Variants in ASPH observed in about 807,000 individuals in gnomAD.
ASPH encodes aspartate beta-hydroxylase.
Under a neutral mutation model 118.4 loss-of-function variants are expected in ASPH, and 100 were observed. That is an observed-to-expected ratio of 0.84 (90% CI 0.72 to 1.00). ASPH has a LOEUF of 1.00. Among genes scored for constraint, ASPH ranks in the 50% least tolerant of loss-of-function variants. The pLI, the probability that ASPH is intolerant of heterozygous loss-of-function variation, is 0.00. For missense variants in ASPH, 920 were observed against 919.5 expected (o/e 1.00, Z -0.01); for synonymous variants, 315 against 325.6 (o/e 0.97, Z 0.35).
At chr8:61,700,995 A>C (rs982503854) in intron 1 of ASPH, among the ~76,000 whole-genome samples, 1 of 152,246 alleles carries the variant, frequency 6.6e-6, no homozygotes, top group Non-Finnish European at 1.5e-5. Flanking sequence ...AAGTGTATAC[A>C]ACATGTAACC....
rs1808301696 is a variant in ASPH at position 61,646,885 on chromosome 8, C to T, written c.491-7G>A. ...TGCAAGTCTTCTCCCTCAACTATGA[C>T]AATGAACAAAGTGACACTGGCAACA... On this transcript the variant is annotated splice_polypyrimidine_tract_variant and splice_region_variant and intron_variant, in intron 5 of 24. Coordinates refer to ENST00000379454, the MANE Select transcript of ASPH (RefSeq NM_004318.4). 6.2e-7 allele frequency: 1 copy of T among 1,613,660 alleles called. No individual in the cohort carries two copies. Among genetic ancestry groups the T allele is most frequent in the South Asian group, 1.1e-5 (1 of 91,050 alleles).
intron 22 of ASPH, among the ~76,000 whole-genome samples, chr8:61,523,664 T>TATTTTCTAGTA (rs199783413): frequency 0.01 from 1,592 of 152,268 alleles, 15 homozygotes; most frequent in Non-Finnish European, 0.016. Flanking sequence ...AAATAGTTAC[T>TATTTTCTAGTA]GGATTCCCCC....
At chr8:61,565,626 TG>T (rs1831425879) in intron 17 of ASPH, among the ~76,000 whole-genome samples, 1 of 12,690 alleles carries the variant, frequency 7.9e-5, no homozygotes, top group Non-Finnish European at 2.1e-4. Context: ...CTAAGATCAT[TG>T]ATGAAGTGAT....
At chr8:61,681,382 A>G (rs1392942602) in intron 2 of ASPH, among the ~76,000 whole-genome samples, 3 of 151,828 alleles carry the variant, frequency 2.0e-5, no homozygotes, top group Admixed American at 6.6e-5. Context: ...ATATGAAATA[A>G]TATTGATGCA....
At chr8:61,545,282 G>A (rs1156527788) in intron 21 of ASPH, among the ~76,000 whole-genome samples, 1 of 152,204 alleles carries the variant, frequency 6.6e-6, no homozygotes. Flanking sequence ...CAACAAGAAA[G>A]CACCATCTAC....
chr8:61,676,254 C>T (rs1340007251), intron 3 of ASPH: 2 of 1,592,806 alleles, frequency 1.3e-6, no homozygotes, highest in African/African-American at 2.7e-5. Flanking sequence ...GAACTTTCCT[C>T]TGCTAAAATA....
chr8:61,702,770 T>C (rs1438134115), intron 1 of ASPH, among the ~76,000 whole-genome samples: 1 of 152,202 alleles, frequency 6.6e-6, no homozygotes, highest in East Asian at 1.9e-4. Context: ...ACCACCACGC[T>C]GGATTCTTCC....
chr8:61,539,699 G>GGTGTGTGTGTGT (rs10522481), intron 21 of ASPH, among the ~76,000 whole-genome samples: 3,375 of 124,184 alleles, frequency 0.027, 91 homozygotes, highest in Middle Eastern at 0.047. Context: ...ACACTTCTGG[G>GGTGTGTGTGTGT]GTGTGTGTGT....
chr8:61,649,557 T>C (rs992009938), intron 5 of ASPH, among the ~76,000 whole-genome samples: 4 of 152,176 alleles, frequency 2.6e-5, no homozygotes, highest in Admixed American at 2.0e-4. Flanking sequence ...AATGTGATTT[T>C]CTAAATGTGA....
Position 61,518,021 on chromosome 8 carries a change from A to G in ASPH, c.1992+11T>C, listed in dbSNP as rs1301233028. ...TTAATTGTATTCTCCCCAGCACGACACTCTTGGTACCTGTCCTCTTCTGCA... is the reference window on the plus strand; with the variant it reads ...TTAATTGTATTCTCCCCAGCACGACGCTCTTGGTACCTGTCCTCTTCTGCA... On this transcript the variant is annotated intron_variant, in intron 23 of 24. Coordinates refer to ENST00000379454, the MANE Select transcript of ASPH (RefSeq NM_004318.4). 4 of 1,604,134 alleles carry G rather than the reference A, an allele frequency of 2.5e-6. No homozygotes were observed. The highest frequency in any genetic ancestry group is 1.7e-6 in the Non-Finnish European group (2 of 1,172,296).
At chr8:61,543,095 T>C (rs1822543883) in intron 21 of ASPH, among the ~76,000 whole-genome samples, 1 of 152,206 alleles carries the variant, frequency 6.6e-6, no homozygotes. Flanking sequence ...TTGACTGTGA[T>C]GTGTCTAGGT....
chr8:61,628,525 A>G (rs1588309348), intron 13 of ASPH, among the ~76,000 whole-genome samples: 1 of 151,532 alleles, frequency 6.6e-6, no homozygotes, highest in Non-Finnish European at 1.5e-5. Context: ...ACTTGCCTAC[A>G]TTTCCCCTGT....
intron 15 of ASPH, chr8:61,583,214 A>C (rs1264501515): frequency 2.0e-5 from 3 of 151,646 alleles, no homozygotes; most frequent in Non-Finnish European, 4.4e-5. Context: ...AGGAGCTATA[A>C]AATTAAAAAC....
intron 16 of ASPH, among the ~76,000 whole-genome samples, chr8:61,567,781 A>T (rs929846021): frequency 7.9e-5 from 12 of 152,206 alleles, no homozygotes; most frequent in Admixed American, 6.5e-5. Context: ...TCCATTTTGG[A>T]AAGGTGGCAA....
chr8:61,556,425 T>A (rs950661591), intron 18 of ASPH, among the ~76,000 whole-genome samples: 6 of 152,212 alleles, frequency 3.9e-5, no homozygotes, highest in Non-Finnish European at 7.3e-5. Flanking sequence ...TTATTAGACA[T>A]CACTTCATAT....
intron 22 of ASPH, among the ~76,000 whole-genome samples, chr8:61,518,498 A>G (rs1362343498): frequency 6.6e-5 from 10 of 152,228 alleles, no homozygotes; most frequent in African/African-American, 1.9e-4. Flanking sequence ...AAACTTAACA[A>G]CTAATAGCCT....
intron 22 of ASPH, among the ~76,000 whole-genome samples, chr8:61,519,777 T>C (rs1043217222): frequency 2.6e-5 from 4 of 152,240 alleles, no homozygotes; most frequent in South Asian, 4.1e-4. Context: ...AGCCGGGGAA[T>C]GTGGGCAGCC....
At chr8:61,511,035 C>T (rs1001511077) in intron 24 of ASPH, among the ~76,000 whole-genome samples, 1 of 152,128 alleles carries the variant, frequency 6.6e-6, no homozygotes, top group African/African-American at 2.4e-5. Flanking sequence ...TTAAAATTAT[C>T]TCCTTGGACA....
chr8:61,619,391 C>G (rs1385233057), intron 13 of ASPH, among the ~76,000 whole-genome samples: 1 of 152,158 alleles, frequency 6.6e-6, no homozygotes, highest in Non-Finnish European at 1.5e-5. Context: ...TTGTTATTGT[C>G]TCTTAAAACC....
Sources: gnomAD v4.1 joint callset for allele counts (sites outside exome capture counted in the v4.1 genomes callset) on GRCh38, gnomAD v4.1.1 for gene constraint, MANE v1.5 for transcripts, NCBI Gene and HGNC (gene_info 2026-07-23, HGNC 2026-07-21) for gene names.